The following AGBL1 variants were observed in gnomAD, a reference collection of about 807,000 sequenced individuals.
AGBL1 encodes cytosolic carboxypeptidase 4.
A neutral mutation model predicts 118.9 loss-of-function variants in AGBL1; 130 were observed. The observed-to-expected ratio is 1.09, with a 90% CI of 0.95 to 1.26. The LOEUF is 1.26. Ranked by LOEUF, AGBL1 falls within the 50% of genes most tolerant of loss-of-function variation. The pLI, the probability that AGBL1 is intolerant of heterozygous loss-of-function variation, is 0.00. For synonymous variants in AGBL1, 555 were observed against 478.9 expected (o/e 1.16, Z -2.08); for missense variants, 1,584 against 1,298.1 (o/e 1.22, Z -3.38).
chr15:86,579,902 T>C (rs1306677388), intron 21 of AGBL1, among the ~76,000 whole-genome samples: 2 of 152,086 alleles, frequency 1.3e-5, no homozygotes, highest in East Asian at 3.9e-4. Flanking sequence ...GACTCCCAGG[T>C]TTCTGGACTG....
chr15:86,618,448 C>T (rs1049568016), intron 21 of AGBL1, among the ~76,000 whole-genome samples: 2 of 152,174 alleles, frequency 1.3e-5, no homozygotes, highest in African/African-American at 4.8e-5. Flanking sequence ...CAGGGCCACC[C>T]TCATCAGACT....
At chr15:86,416,418 A>G (rs187346979) in intron 18 of AGBL1, among the ~76,000 whole-genome samples, 2 of 152,246 alleles carry the variant, frequency 1.3e-5, no homozygotes, top group East Asian at 3.9e-4. Flanking sequence ...ATGAGTCCTG[A>G]TCAGGCTGGG....
intron 22 of AGBL1, among the ~76,000 whole-genome samples, chr15:86,838,803 AC>A (rs2079203661): frequency 6.6e-6 from 1 of 151,406 alleles, no homozygotes; most frequent in African/African-American, 2.4e-5. Context: ...AAATAGTTGG[AC>A]ATGGTGGTGC....
At chr15:86,218,018 T>G (rs903968147) in intron 5 of AGBL1, among the ~76,000 whole-genome samples, 2 of 152,180 alleles carry the variant, frequency 1.3e-5, no homozygotes, top group African/African-American at 4.8e-5. Flanking sequence ...TGAGAGATAT[T>G]TGGGTGATTT....
At chr15:86,696,438 T>G (rs2086261544) in intron 22 of AGBL1, among the ~76,000 whole-genome samples, 1 of 151,926 alleles carries the variant, frequency 6.6e-6, no homozygotes, top group South Asian at 2.1e-4. Context: ...ATGGAATGTC[T>G]TTTTCCACCT....
intron 18 of AGBL1, among the ~76,000 whole-genome samples, chr15:86,398,557 A>G (rs2081400797): frequency 1.3e-5 from 2 of 152,158 alleles, no homozygotes; most frequent in Admixed American, 1.3e-4. Context: ...AAATAGAGCA[A>G]TATTAAAATT....
rs566564502 is a variant in AGBL1, at chr15:86,483,764, G to A, written c.2556-39046G>A. Reference sequence around the variant, plus strand: ...AAAGTGATTACAGAAAAGTTTCATTGGTTTTTGAGACACAAACATTTAGCT... The same window carrying A: ...AAAGTGATTACAGAAAAGTTTCATTAGTTTTTGAGACACAAACATTTAGCT... On this transcript the variant is annotated intron_variant, in intron 18 of 22. Coordinates refer to ENST00000614907, the MANE Select transcript of AGBL1 (RefSeq NM_001386094.1). Among the ~76,000 whole-genome samples, 6 of 152,158 alleles carry A rather than the reference G, an allele frequency of 3.9e-5. No individual in the cohort carries two copies. The South Asian group carries it at 1.2e-3, about 32-fold the overall frequency.
In AGBL1 at chr15:86,892,575, A is replaced by G. The variant is rs1181562005; in HGVS notation, c.3159-14512A>G. Among the ~76,000 whole-genome samples the G allele has an allele frequency of 3.9e-5, 6 of 152,278 alleles. No homozygotes were observed. The East Asian group carries it at 1.2e-3, about 29-fold the overall frequency. On this transcript the variant is annotated intron_variant, in intron 22 of 22. Coordinates refer to ENST00000614907, the MANE Select transcript of AGBL1 (RefSeq NM_001386094.1). ...TCTAAATCTCTTTTTCCAATTGTTA[A>G]GTAGGATTGATAAGATCTACCCCAT...
rs967491673 is a variant in AGBL1, at chr15:86,346,354, C to CT, written c.2374+50956dup. ...TCATTCTTTCTTTTCTTTTCTTTTT[C>CT]TTTTTTTTTTGAGATGAAGTCTCGC... On this transcript the variant is annotated intron_variant, in intron 17 of 22. Coordinates refer to ENST00000614907, the MANE Select transcript of AGBL1 (RefSeq NM_001386094.1). Among the ~76,000 whole-genome samples the CT allele has an allele frequency of 3.9e-4, 54 of 138,526 alleles. 1 individual carries two copies. Among genetic ancestry groups the CT allele is most frequent in the South Asian group, 2.3e-3 (10 of 4,292 alleles). 90.9% of individuals were successfully genotyped at this position (138,526 alleles called of 152,430 possible). A position where few individuals can be genotyped will look rare whatever the true frequency, so the allele number is the denominator to read the frequency against.
chr15:86,470,383 C>A (rs1311489149), intron 18 of AGBL1, among the ~76,000 whole-genome samples: 1 of 152,106 alleles, frequency 6.6e-6, no homozygotes, highest in African/African-American at 2.4e-5. Flanking sequence ...ATTGTAATTG[C>A]ATGGATTAAT....
rs537632814 is a variant in AGBL1, at chr15:86,846,624, C to T, written c.3159-60463C>T. ...TTGGCTCACTGCAACCTCTGCCTCC[C>T]GGGTTCAAGCAGTTCTCCTGATTCA... is the stretch of plus-strand genomic sequence containing the variant. On this transcript the variant is annotated intron_variant, in intron 22 of 22. Transcript: ENST00000614907. Among the ~76,000 whole-genome samples the T allele has an allele frequency of 2.5e-3, 377 of 152,190 alleles. 2 individuals carry two copies. Among genetic ancestry groups the T allele is most frequent in the African/African-American group, 8.5e-3 (354 of 41,536 alleles).
At chr15:87,019,973 C>A (rs1460806567) in intron 24 of AGBL1, among the ~76,000 whole-genome samples, 1 of 151,994 alleles carries the variant, frequency 6.6e-6, no homozygotes, top group Non-Finnish European at 1.5e-5. Context: ...TCACAGAATA[C>A]TATAAACTCC....
At chr15:86,839,470 TG>T (rs2079215849) in intron 22 of AGBL1, among the ~76,000 whole-genome samples, 1 of 152,240 alleles carries the variant, frequency 6.6e-6, no homozygotes. Context: ...CACAAAGCTC[TG>T]GAGTTTCTCT....
At chr15:86,924,462 T>C (rs1301768337) in intron 23 of AGBL1, among the ~76,000 whole-genome samples, 1 of 152,228 alleles carries the variant, frequency 6.6e-6, no homozygotes, top group Non-Finnish European at 1.5e-5. Flanking sequence ...ATATTAGCTA[T>C]TGAAAAGCTC....
At chr15:86,945,377 T>TA (rs1271597972) in intron 23 of AGBL1, among the ~76,000 whole-genome samples, 1 of 151,432 alleles carries the variant, frequency 6.6e-6, no homozygotes, top group Non-Finnish European at 1.5e-5. Flanking sequence ...GAAAAGATAG[T>TA]AAAAAACCAG....
chr15:86,406,760 G>A (rs1241377892), intron 18 of AGBL1, among the ~76,000 whole-genome samples: 1 of 152,050 alleles, frequency 6.6e-6, no homozygotes, highest in African/African-American at 2.4e-5. Context: ...AATATATTTT[G>A]TAGTATAATT....
chr15:86,804,090 A>G (rs993247942), intron 22 of AGBL1, among the ~76,000 whole-genome samples: 27 of 152,180 alleles, frequency 1.8e-4, no homozygotes, highest in Non-Finnish European at 1.3e-4. Flanking sequence ...ACAGGCTAGA[A>G]GACAAAGGGA....
At chr15:86,094,509 G>A (rs1896230499) in intron 1 of AGBL1, among the ~76,000 whole-genome samples, 2 of 152,102 alleles carry the variant, frequency 1.3e-5, no homozygotes, top group Admixed American at 1.3e-4. Context: ...GGGAGTGCCT[G>A]GATCTACATG....
At chr15:86,633,602 T>C (rs1175639050) in intron 21 of AGBL1, among the ~76,000 whole-genome samples, 1 of 151,856 alleles carries the variant, frequency 6.6e-6, no homozygotes, top group Admixed American at 6.6e-5. Context: ...ATAGGTGTTT[T>C]CTAAGTGGAA....
Sources: allele counts gnomAD v4.1 joint callset (sites outside exome capture counted in the v4.1 genomes callset), GRCh38; gene constraint gnomAD v4.1.1; transcripts MANE v1.5; gene names NCBI Gene and HGNC (gene_info 2026-07-23, HGNC 2026-07-21).